ELMO1: variants seen among roughly 807,000 people sequenced by gnomAD.
ELMO1 encodes the protein engulfment and cell motility protein 1.
In ELMO1, 26 loss-of-function variants were observed where a neutral mutation model predicts 98.9. The ratio of observed to expected loss-of-function variants is 0.26; its 90% confidence interval spans 0.19 to 0.36. The LOEUF is 0.36. Ranked by LOEUF, ELMO1 falls within the 10% of genes least tolerant of loss-of-function variation. The pLI is 1.00. For synonymous variants in ELMO1, 346 were observed against 346.0 expected, an observed-to-expected ratio of 1.00 and a Z score of 0.00; for missense variants, 627 against 935.2, an observed-to-expected ratio of 0.67 and a Z score of 4.30.
At chr7:37,167,897 T>C (rs1287873963) in intron 13 of ELMO1, among the ~76,000 whole-genome samples, 10 of 152,080 alleles carry the variant, frequency 6.6e-5, no homozygotes, top group African/African-American at 2.2e-4. Flanking sequence ...CCTTGCTAGA[T>C]TGGGGAAGTT....
At chr7:37,244,422 G>A in intron 6 of ELMO1, 31 bp from the exon 7 acceptor site, 1 of 1,607,996 alleles carries the variant, frequency 6.2e-7, no homozygotes, top group Non-Finnish European at 8.5e-7. Context: ...CATGTGAGGA[G>A]CATACTTAAA....
At chr7:37,154,633 T>A (rs6462734) in intron 13 of ELMO1, among the ~76,000 whole-genome samples, 4 of 152,328 alleles carry the variant, frequency 2.6e-5, no homozygotes, top group South Asian at 2.1e-4. Context: ...GAAAAGAAAC[T>A]AACAAAGCCT....
chr7:37,280,890 A>G (rs984998269), intron 4 of ELMO1, among the ~76,000 whole-genome samples: 9 of 152,058 alleles, frequency 5.9e-5, no homozygotes, highest in Non-Finnish European at 1.2e-4. Flanking sequence ...TCAAAAAAAG[A>G]TACTTGCACA....
intron 18 of ELMO1, among the ~76,000 whole-genome samples, chr7:36,885,109 C>T (rs1035496313): frequency 3.3e-5 from 5 of 152,158 alleles, no homozygotes; most frequent in South Asian, 2.1e-4. Context: ...AGCACAGAGC[C>T]AGTCACCAGA....
chr7:37,178,077 T>C (rs1490559404), intron 13 of ELMO1, among the ~76,000 whole-genome samples: 1 of 150,228 alleles, frequency 6.7e-6, no homozygotes, highest in African/African-American at 2.5e-5. Flanking sequence ...TGTCTGTGAG[T>C]GTGTTTCTGG....
intron 14 of ELMO1, among the ~76,000 whole-genome samples, chr7:37,110,165 G>A (rs1313350778): frequency 6.6e-6 from 1 of 152,220 alleles, no homozygotes; most frequent in Non-Finnish European, 1.5e-5. Flanking sequence ...TCTCGCAGAT[G>A]TTACATGCCA....
At chr7:37,150,440 T>TA (rs10652093) in intron 13 of ELMO1, among the ~76,000 whole-genome samples, 106,568 of 146,882 alleles carry the variant, frequency 0.73, 40,884 homozygotes, top group Non-Finnish European at 0.86. Context: ...ACTACTACAC[T>TA]AAAAAAAAAA....
At chr7:36,977,454 C>T (rs1176668382) in intron 16 of ELMO1, among the ~76,000 whole-genome samples, 1 of 152,182 alleles carries the variant, frequency 6.6e-6, no homozygotes, top group African/African-American at 2.4e-5. Context: ...TATTTACCTA[C>T]AGTGTTCAAA....
Position 37,104,010 on chromosome 7 carries a change from C to CAAAAAAAAAAAAAAAAAAA in ELMO1, c.1192-7302_1192-7284dup, listed in dbSNP as rs35979251. ...TGGGTGAGAGAGTGAGACTCCATCT[C>CAAAAAAAAAAAAAAAAAAA]AAAAAAAAAAAAAAAAAAAAAAAAA... On this transcript the variant is annotated intron_variant, in intron 14 of 21. Transcript: ENST00000310758. 2.4e-4 allele frequency among the ~76,000 whole-genome samples: 7 copies of CAAAAAAAAAAAAAAAAAAA among 29,018 alleles called. 1 individual carries two copies. The highest frequency in any genetic ancestry group is 4.1e-4 in the Non-Finnish European group (5 of 12,062). The allele number at this position is 29,018 out of a possible 152,430, so 19.0% of individuals were successfully genotyped here.
intron 2 of ELMO1, among the ~76,000 whole-genome samples, chr7:37,323,530 C>T (rs1259641218): frequency 1.3e-5 from 2 of 152,132 alleles, no homozygotes; most frequent in African/African-American, 4.8e-5. Context: ...TCTGTCTCTA[C>T]TAAATTACAA....
chr7:37,088,402 A>G (rs752729818), intron 15 of ELMO1, among the ~76,000 whole-genome samples: 4 of 152,220 alleles, frequency 2.6e-5, no homozygotes, highest in Non-Finnish European at 4.4e-5. Flanking sequence ...ATGCACAGAA[A>G]CAGTTGGCTT....
intron 16 of ELMO1, among the ~76,000 whole-genome samples, chr7:37,012,300 GAGA>G: frequency 6.6e-6 from 1 of 152,196 alleles, no homozygotes; most frequent in Admixed American, 6.5e-5. Context: ...TATATCCAGG[GAGA>G]AGGTGACAGG....
chr7:36,944,198 T>C (rs973046470), intron 16 of ELMO1, among the ~76,000 whole-genome samples: 12 of 152,216 alleles, frequency 7.9e-5, no homozygotes, highest in Admixed American at 3.3e-4. Context: ...CTAAGTAATT[T>C]GCTGCAGATG....
intron 16 of ELMO1, among the ~76,000 whole-genome samples, chr7:37,011,527 A>G (rs971214730): frequency 6.6e-6 from 1 of 152,256 alleles, no homozygotes; most frequent in African/African-American, 2.4e-5. Context: ...ATCAACAACA[A>G]TAATATCTGA....
At chr7:36,885,662 T>A (rs1804919528) in intron 18 of ELMO1, among the ~76,000 whole-genome samples, 1 of 152,218 alleles carries the variant, frequency 6.6e-6, no homozygotes, top group African/African-American at 2.4e-5. Context: ...CATCAGGGCA[T>A]ACAACCGACT....
chr7:37,369,664 C>T (rs1410146098), intron 1 of ELMO1, among the ~76,000 whole-genome samples: 1 of 126,308 alleles, frequency 7.9e-6, no homozygotes, highest in Non-Finnish European at 1.7e-5. Flanking sequence ...TATATATAGC[C>T]CAAAATGTAA....
chr7:37,214,632 A>AG (rs1563081872), intron 11 of ELMO1, among the ~76,000 whole-genome samples: 2 of 151,844 alleles, frequency 1.3e-5, no homozygotes, highest in African/African-American at 2.4e-5. Context: ...GAGAGAATAC[A>AG]GTCACCAAAC....
chr7:37,214,298 CA>C (rs1324712254), intron 11 of ELMO1, among the ~76,000 whole-genome samples: 1 of 152,196 alleles, frequency 6.6e-6, no homozygotes, highest in Non-Finnish European at 1.5e-5. Context: ...TCAGTTATTT[CA>C]ACTGTGCTAG....
intron 1 of ELMO1, chr7:37,429,717 C>T (rs1023082157): frequency 6.6e-6 from 1 of 152,218 alleles, no homozygotes; most frequent in Non-Finnish European, 1.5e-5. Flanking sequence ...ACTAATAATC[C>T]TCTATGGAGG....
Sources: gnomAD v4.1 joint callset for allele counts (sites outside exome capture counted in the v4.1 genomes callset) on GRCh38, gnomAD v4.1.1 for gene constraint, MANE v1.5 for transcripts, NCBI Gene and HGNC (gene_info 2026-07-23, HGNC 2026-07-21) for gene names.